SPATA16: variants seen among roughly 807,000 people sequenced by gnomAD.
The protein encoded by SPATA16 is spermatogenesis-associated protein 16.
SPATA16 carries 36 observed loss-of-function variants against 63.3 expected under a neutral mutation model. The observed-to-expected ratio is 0.57, with a 90% CI of 0.44 to 0.75. SPATA16 has a LOEUF of 0.75. SPATA16 is among the 30% of genes least tolerant of loss of function. The pLI is 0.00. For missense variants in SPATA16, 646 were observed against 679.3 expected (o/e 0.95, Z 0.54); for synonymous variants, 203 against 216.7 (o/e 0.94, Z 0.56).
chr3:173,043,343 C>T (rs529990414), intron 3 of SPATA16, among the ~76,000 whole-genome samples: 6 of 151,796 alleles, frequency 4.0e-5, no homozygotes, highest in Admixed American at 2.0e-4. Flanking sequence ...TAATCATTTG[C>T]ATCTTTATCA....
intron 3 of SPATA16, among the ~76,000 whole-genome samples, chr3:173,023,833 A>T (rs1308620010): frequency 6.6e-6 from 1 of 151,620 alleles, no homozygotes; most frequent in Non-Finnish European, 1.5e-5. Flanking sequence ...ATATGTCTAT[A>T]TTCACATATC....
At chr3:172,983,826 T>A (rs964914792) in intron 4 of SPATA16, among the ~76,000 whole-genome samples, 1 of 152,054 alleles carries the variant, frequency 6.6e-6, no homozygotes, top group African/African-American at 2.4e-5. Flanking sequence ...CCAGTCACAA[T>A]GTTCTTTCCA....
At chr3:173,009,648 G>T (rs1407395028) in intron 4 of SPATA16, among the ~76,000 whole-genome samples, 1 of 152,240 alleles carries the variant, frequency 6.6e-6, no homozygotes, top group Non-Finnish European at 1.5e-5. Context: ...GCAGACTACA[G>T]ACCGCACCTC....
chr3:173,010,707 C>T (rs1041682408), intron 4 of SPATA16, among the ~76,000 whole-genome samples: 6 of 152,094 alleles, frequency 3.9e-5, no homozygotes, highest in Non-Finnish European at 8.8e-5. Context: ...CCAGTGCACC[C>T]ACCCAGCCCC....
chr3:172,912,114 A>C (rs1577086279), intron 10 of SPATA16, among the ~76,000 whole-genome samples: 1 of 152,226 alleles, frequency 6.6e-6, no homozygotes, highest in African/African-American at 2.4e-5. Flanking sequence ...TTTTTTAAAA[A>C]ACACTTCAGT....
At chr3:172,945,399 CA>C (rs1206746733) in intron 6 of SPATA16, among the ~76,000 whole-genome samples, 4 of 152,172 alleles carry the variant, frequency 2.6e-5, no homozygotes, top group Non-Finnish European at 4.4e-5. Context: ...CCAAACTGAA[CA>C]ACTATCCATA....
At chr3:173,133,871 T>A (rs1738453281) in intron 1 of SPATA16, among the ~76,000 whole-genome samples, 1 of 152,186 alleles carries the variant, frequency 6.6e-6, no homozygotes, top group Admixed American at 6.5e-5. Context: ...TAGACATATG[T>A]CAAATCCTGT....
intron 2 of SPATA16, among the ~76,000 whole-genome samples, chr3:173,095,305 A>T (rs1398451737): frequency 6.6e-6 from 1 of 152,342 alleles, no homozygotes; most frequent in East Asian, 1.9e-4. Context: ...AAAGCAAACC[A>T]GAGTTAAAAC....
Position 172,920,412 on chromosome 3 carries a change from G to T in SPATA16, c.1338+3796C>A, listed in dbSNP as rs536756243. ...TTTAAAAAAGATATGTTTGAGTAAA[G>T]AAAACTTCTTGACTATCAAATATTT... On this transcript the variant is annotated intron_variant, in intron 8 of 10. Coordinates refer to ENST00000351008, the MANE Select transcript of SPATA16 (RefSeq NM_031955.6). Among the ~76,000 whole-genome samples the T allele has an allele frequency of 3.9e-5, 6 of 152,306 alleles. No individual in the cohort carries two copies. The South Asian group carries it at 1.2e-3, about 32-fold the overall frequency.
intron 6 of SPATA16, among the ~76,000 whole-genome samples, chr3:172,946,678 C>T (rs1733296785): frequency 6.6e-6 from 1 of 152,148 alleles, no homozygotes; most frequent in South Asian, 2.1e-4. Flanking sequence ...CCACGTAGAA[C>T]ATAGTACCAA....
At chr3:173,051,359 C>T (rs557273135) in intron 2 of SPATA16, among the ~76,000 whole-genome samples, 6 of 152,226 alleles carry the variant, frequency 3.9e-5, no homozygotes, top group South Asian at 4.1e-4. Flanking sequence ...AGTGCCACCA[C>T]GCCCGGCTAA....
chr3:173,121,113 T>C (rs1183403138), intron 1 of SPATA16, among the ~76,000 whole-genome samples: 1 of 152,080 alleles, frequency 6.6e-6, no homozygotes, highest in Non-Finnish European at 1.5e-5. Context: ...GAAAGTGTCT[T>C]AAATGTGCAG....
chr3:173,046,763 T>G (rs1735963918), intron 3 of SPATA16, among the ~76,000 whole-genome samples: 2 of 152,000 alleles, frequency 1.3e-5, no homozygotes, highest in Non-Finnish European at 2.9e-5. Context: ...TGACTATATT[T>G]CAGACTGTTT....
intron 9 of SPATA16, among the ~76,000 whole-genome samples, chr3:172,915,568 A>C (rs1732463875): frequency 6.6e-6 from 1 of 152,136 alleles, no homozygotes; most frequent in Non-Finnish European, 1.5e-5. Context: ...ATATAGAGTA[A>C]ATTTTACCTT....
chr3:172,976,960 A>G lies in SPATA16; in HGVS notation c.933+8T>C. ...TTTCTCCTCCCTAGTTGGGACATCA[A>G]TTTTTACCTGCCAATACAGTTTGAT... is the stretch of plus-strand genomic sequence containing the variant. On this transcript the variant is annotated splice_region_variant and intron_variant, in intron 5 of 10. Coordinates refer to ENST00000351008, the MANE Select transcript of SPATA16 (RefSeq NM_031955.6). The G allele has an allele frequency of 6.2e-7, 1 of 1,611,350 alleles. No individual in the cohort carries two copies. The highest frequency in any genetic ancestry group is 8.5e-7 in the Non-Finnish European group (1 of 1,178,638).
chr3:173,018,859 G>A (rs1382239979), intron 4 of SPATA16, among the ~76,000 whole-genome samples: 1 of 152,144 alleles, frequency 6.6e-6, no homozygotes, highest in Non-Finnish European at 1.5e-5. Context: ...GGAGTCTTGT[G>A]AGCTAATCCA....
At chr3:173,060,406 A>G (rs1294553228) in intron 2 of SPATA16, among the ~76,000 whole-genome samples, 1 of 152,186 alleles carries the variant, frequency 6.6e-6, no homozygotes, top group Non-Finnish European at 1.5e-5. Context: ...TTAGGGAATT[A>G]GAGGAAAAAT....
At chr3:173,091,623 C>G (rs1737222870) in intron 2 of SPATA16, among the ~76,000 whole-genome samples, 1 of 151,964 alleles carries the variant, frequency 6.6e-6, no homozygotes, top group Admixed American at 6.6e-5. Context: ...ATAAGGAACA[C>G]TTGCAAGACA....
chr3:172,989,099 C>A (rs537927346), intron 4 of SPATA16, among the ~76,000 whole-genome samples: 5 of 152,268 alleles, frequency 3.3e-5, no homozygotes, highest in South Asian at 4.1e-4. Context: ...TTCTTTCTTT[C>A]CAATGTGTTC....
Sources: allele counts gnomAD v4.1 joint callset (sites outside exome capture counted in the v4.1 genomes callset), GRCh38; gene constraint gnomAD v4.1.1; transcripts MANE v1.5; gene names NCBI Gene and HGNC (gene_info 2026-07-23, HGNC 2026-07-21).